ZNF350: variants seen among roughly 807,000 people sequenced by gnomAD.
ZNF350 encodes the protein zinc finger protein 350, also known as KRAB zinc finger protein ZFQR.
A neutral mutation model predicts 13.1 loss-of-function variants in ZNF350; 5 were observed. That is an observed-to-expected ratio of 0.38 (90% CI 0.20 to 0.80). The LOEUF (loss-of-function observed/expected upper bound fraction) is 0.80. ZNF350 is among the 30% of genes least tolerant of loss of function. The probability of loss-of-function intolerance (pLI) is 0.43; values close to 1 mark genes in which losing one functional copy is unlikely to be tolerated. For missense variants in ZNF350, 534 were observed against 644.2 expected, an observed-to-expected ratio of 0.83 and a Z score of 1.85; for synonymous variants, 199 against 224.2, an observed-to-expected ratio of 0.89 and a Z score of 1.00.
chr19:51,964,907 C>T lies in ZNF350; in HGVS notation c.1546G>A (p.Val516Ile). ...DRNLVNAVNVVVPSVINYVLF... is the reference protein window; with the variant it reads ...DRNLVNAVNVIVPSVINYVLF... ...ACATAATTGATCACGGAAGGCACAA[C>T]CACATTCACTGCATTCACAAGGTTT... is the stretch of plus-strand genomic sequence containing the variant. The change falls in exon 5 of 5, where the codon GTT becomes ATT. Residue 516 changes from valine (V) to isoleucine (I), a missense_variant. Coordinates refer to ENST00000243644, the MANE Select transcript of ZNF350 (RefSeq NM_021632.4). The T allele has an allele frequency of 6.2e-7, 1 of 1,614,134 alleles. No individual in the cohort carries two copies. The highest frequency in any genetic ancestry group is 8.5e-7 in the Non-Finnish European group (1 of 1,179,984).
chr19:51,974,248 A>G, intron 2 of ZNF350, 98 bp downstream of exon 2: 1 of 1,397,206 alleles, frequency 7.2e-7, no homozygotes, highest in Non-Finnish European at 9.9e-7. Context: ...TGCTTTTTGA[A>G]ATTTATACTT....
chr19:51,964,563 A>C lies in ZNF350; in HGVS notation c.*291T>G. 1 of 419,266 alleles carries C rather than the reference A, an allele frequency of 2.4e-6. No individual in the cohort carries two copies. Among genetic ancestry groups the C allele is most frequent in the South Asian group, 3.6e-5 (1 of 27,476 alleles). 26.0% of individuals were successfully genotyped at this position (419,266 alleles called of 1,614,324 possible). On this transcript the variant is annotated 3_prime_UTR_variant, in exon 5 of 5. Coordinates refer to ENST00000243644, the MANE Select transcript of ZNF350 (RefSeq NM_021632.4). ...TATGAAGCTTTTCAGTCACTGCAACACTCCCGACACCAATTATCTCATCTG... is the reference window on the plus strand; with the variant it reads ...TATGAAGCTTTTCAGTCACTGCAACCCTCCCGACACCAATTATCTCATCTG...
At chr19:51,983,927 G>A (rs1237068852) in intron 1 of ZNF350, 2 of 152,232 alleles carry the variant, frequency 1.3e-5, no homozygotes, top group African/African-American at 4.8e-5. Context: ...CCACAGGTGT[G>A]GAGGGGCAGG....
chr19:51,965,513 C>G lies in ZNF350; in HGVS notation c.940G>C (p.Gly314Arg). The G allele has an allele frequency of 1.2e-6, 2 of 1,614,104 alleles. No individual in the cohort carries two copies. The highest frequency in any genetic ancestry group is 1.7e-6 in the Non-Finnish European group (2 of 1,180,018). Residue 314 changes from glycine to arginine, a missense_variant, in exon 5 of 5, where the codon GGT becomes CGT. By Grantham distance (125) the Gly-to-Arg change is moderately radical. Coordinates refer to ENST00000243644, the MANE Select transcript of ZNF350 (RefSeq NM_021632.4). ...TCATTGCATATATAAGGTTTCTCAC[C>G]TGTATGAATTCGCTGGTGTACAATG... ...NLIVHQRIHT[G>R]EKPYICNECG...
chr19:51,974,633 T>C, intron 1 of ZNF350, 102 bp from the exon 2 acceptor site: 1 of 374,416 alleles, frequency 2.7e-6, no homozygotes, highest in South Asian at 5.1e-5. Flanking sequence ...GCCCCCAATA[T>C]AGTTAACTAT....
At chr19:51,970,887 CAA>C (rs920444966) in intron 2 of ZNF350, among the ~76,000 whole-genome samples, 3 of 152,088 alleles carry the variant, frequency 2.0e-5, no homozygotes, top group African/African-American at 7.2e-5. Context: ...ACAAAGGAGA[CAA>C]AATTTTCTGA....
In ZNF350 at chr19:51,977,974, G is replaced by A. The variant is rs181763128; in HGVS notation, c.-171-3443C>T. 1.8e-4 allele frequency among the ~76,000 whole-genome samples: 28 copies of A among 152,254 alleles called. No homozygotes were observed. The East Asian group carries it at 3.3e-3, about 18-fold the overall frequency. On this transcript the variant is annotated intron_variant, in intron 1 of 4. Transcript: ENST00000243644. The stretch of plus-strand genomic sequence containing the variant: ...ACTGGACATCTAAAAAAGGAATGCC[G>A]CCAGATCTCAGGACAGAAAGGATAT...
At chr19:51,968,056 G>A (rs998822029) in intron 4 of ZNF350, among the ~76,000 whole-genome samples, 3 of 152,118 alleles carry the variant, frequency 2.0e-5, no homozygotes, top group East Asian at 3.9e-4. Context: ...AATGGAGAAC[G>A]GGACCTTTGG....
At chr19:51,972,449 A>G (rs908673126) in intron 2 of ZNF350, among the ~76,000 whole-genome samples, 3 of 146,004 alleles carry the variant, frequency 2.1e-5, no homozygotes, top group Admixed American at 6.9e-5. Flanking sequence ...CCTAACCCCC[A>G]ATGGTGACAA....
chr19:51,979,328 G>C (rs2085976726), intron 1 of ZNF350, among the ~76,000 whole-genome samples: 1 of 152,124 alleles, frequency 6.6e-6, no homozygotes. Context: ...TCCCCCAGCA[G>C]TATGGCCTAT....
chr19:51,969,137 A>G lies in ZNF350; in HGVS notation c.16-6T>C, dbSNP rs754078751. 1 of 1,612,834 alleles carries G rather than the reference A, an allele frequency of 6.2e-7. No homozygotes were observed. The highest frequency in any genetic ancestry group is 8.5e-7 in the Non-Finnish European group (1 of 1,179,280). ...TCCTCCAGTGTTATGGATTCCTGTA[A>G]TAACAGTCCTGTTTAATAAAGTGAT... On this transcript the variant is annotated splice_region_variant and splice_polypyrimidine_tract_variant and intron_variant, in intron 2 of 4. Coordinates refer to ENST00000243644, the MANE Select transcript of ZNF350 (RefSeq NM_021632.4).
intron 2 of ZNF350, among the ~76,000 whole-genome samples, chr19:51,971,883 C>CT (rs1211372861): frequency 6.6e-6 from 1 of 152,186 alleles, no homozygotes; most frequent in Non-Finnish European, 1.5e-5. Flanking sequence ...GCTCTACACC[C>CT]TCTCCTTGAG....
At chr19:51,968,429 T>G (rs1016143126) in intron 4 of ZNF350, 149 bp downstream of exon 4, 4 of 686,192 alleles carry the variant, frequency 5.8e-6, no homozygotes, top group Non-Finnish European at 1.0e-5. Context: ...TAACTCTAAA[T>G]TCCTACAAAG....
At chr19:51,970,165 G>A (rs935783637) in intron 2 of ZNF350, among the ~76,000 whole-genome samples, 3 of 150,004 alleles carry the variant, frequency 2.0e-5, no homozygotes, top group African/African-American at 4.9e-5. Context: ...AGGTTCAAGC[G>A]ATTCTCCTGC....
chr19:51,977,485 T>A (rs540504111), intron 1 of ZNF350, among the ~76,000 whole-genome samples: 9 of 152,364 alleles, frequency 5.9e-5, no homozygotes, highest in Admixed American at 5.2e-4. Context: ...GGATATGCTG[T>A]TAGGTCATGG....
intron 3 of ZNF350, 73 bp downstream of exon 3, chr19:51,968,932 A>G (rs2085654319): frequency 1.2e-6 from 2 of 1,613,472 alleles, no homozygotes; most frequent in African/African-American, 1.3e-5. Context: ...AGGCATTCCA[A>G]AGAGGTAGGC....
chr19:51,966,848 T>C (rs2085595662), intron 4 of ZNF350, among the ~76,000 whole-genome samples: 1 of 151,958 alleles, frequency 6.6e-6, no homozygotes, highest in Admixed American at 6.5e-5. Context: ...CGTTTCACCA[T>C]GTTAGCCAGG....
intron 1 of ZNF350, among the ~76,000 whole-genome samples, chr19:51,980,164 A>G (rs985395953): frequency 6.6e-6 from 1 of 152,206 alleles, no homozygotes; most frequent in Non-Finnish European, 1.5e-5. Flanking sequence ...TACCCAATTG[A>G]CCTGTAAATC....
intron 1 of ZNF350, among the ~76,000 whole-genome samples, chr19:51,979,935 T>C (rs1216253353): frequency 6.6e-6 from 1 of 152,210 alleles, no homozygotes; most frequent in Non-Finnish European, 1.5e-5. Flanking sequence ...AGTTGCATTA[T>C]CTGGGGAGGA....
Sources: allele counts gnomAD v4.1 joint callset (sites outside exome capture counted in the v4.1 genomes callset), GRCh38; gene constraint gnomAD v4.1.1; transcripts MANE v1.5; gene names NCBI Gene and HGNC (gene_info 2026-07-23, HGNC 2026-07-21).